RALYL: variants seen among roughly 807,000 people sequenced by gnomAD.
The protein encoded by RALYL is RNA-binding Raly-like protein.
In RALYL, 29 loss-of-function variants were observed where a neutral mutation model predicts 35.1. The observed-to-expected ratio is 0.83, with a 90% CI of 0.61 to 1.13. The LOEUF (loss-of-function observed/expected upper bound fraction) is 1.13. Among genes scored for constraint, RALYL ranks in the 50% most tolerant of loss-of-function variants. The pLI is 0.00. For missense variants in RALYL, 359 were observed against 360.4 expected, an observed-to-expected ratio of 1.00 and a Z score of 0.03; for synonymous variants, 120 against 127.6, an observed-to-expected ratio of 0.94 and a Z score of 0.40.
At chr8:84,665,620 GTTGT>G (rs1429321627) in intron 2 of RALYL, 1 of 151,948 alleles carries the variant, frequency 6.6e-6, no homozygotes, top group Admixed American at 6.6e-5. Flanking sequence ...TTCTCTAATG[GTTGT>G]TTGTATTTCT....
chr8:84,229,056 C>T (rs1486976588), intron 1 of RALYL, among the ~76,000 whole-genome samples: 1 of 152,204 alleles, frequency 6.6e-6, no homozygotes, highest in African/African-American at 2.4e-5. Context: ...CATACTCAGG[C>T]TCCAGCTTTT....
chr8:84,498,454 G>A (rs1041050785), intron 1 of RALYL, among the ~76,000 whole-genome samples: 6 of 151,798 alleles, frequency 4.0e-5, no homozygotes, highest in Admixed American at 1.3e-4. Flanking sequence ...AAGCCTCATC[G>A]AAGCTACTAA....
intron 1 of RALYL, among the ~76,000 whole-genome samples, chr8:84,305,296 C>G (rs1841565526): frequency 6.6e-6 from 1 of 152,166 alleles, no homozygotes; most frequent in Admixed American, 6.5e-5. Context: ...ATCTATACCT[C>G]TAGCTTTCAC....
At chr8:84,835,162 G>A (rs775155765) in intron 4 of RALYL, among the ~76,000 whole-genome samples, 2 of 152,160 alleles carry the variant, frequency 1.3e-5, no homozygotes, top group Non-Finnish European at 1.5e-5. Context: ...ATAATTAATG[G>A]AAGGGAAAGA....
chr8:84,608,037 A>G (rs1397854403), intron 2 of RALYL, among the ~76,000 whole-genome samples: 1 of 151,618 alleles, frequency 6.6e-6, no homozygotes, highest in Admixed American at 6.6e-5. Context: ...TCAATTTTGT[A>G]TATATCTTGT....
At chr8:84,517,845 C>A (rs1418838861) in intron 1 of RALYL, among the ~76,000 whole-genome samples, 3 of 152,084 alleles carry the variant, frequency 2.0e-5, no homozygotes, top group Non-Finnish European at 2.9e-5. Context: ...TACCTTAGTG[C>A]ATCTCATTTA....
intron 1 of RALYL, among the ~76,000 whole-genome samples, chr8:84,430,279 A>G (rs2132662744): frequency 6.6e-6 from 1 of 152,250 alleles, no homozygotes; most frequent in African/African-American, 2.4e-5. Context: ...TTGGACTCCA[A>G]AGCATATATT....
At chr8:84,636,415 G>A (rs775138644) in intron 2 of RALYL, among the ~76,000 whole-genome samples, 1 of 151,802 alleles carries the variant, frequency 6.6e-6, no homozygotes, top group African/African-American at 2.4e-5. Flanking sequence ...GAGATGGAAT[G>A]TACGCAGGAC....
chr8:84,784,781 C>G (rs1394633673), intron 3 of RALYL, among the ~76,000 whole-genome samples: 1 of 152,086 alleles, frequency 6.6e-6, no homozygotes, highest in African/African-American at 2.4e-5. Flanking sequence ...CATGTTTAGA[C>G]AGAAGGCAAA....
intron 3 of RALYL, among the ~76,000 whole-genome samples, chr8:84,793,195 G>A (rs1326501338): frequency 1.3e-5 from 2 of 152,130 alleles, no homozygotes; most frequent in Non-Finnish European, 2.9e-5. Flanking sequence ...ACAAGACTGG[G>A]TGAGAACAGA....
intron 2 of RALYL, among the ~76,000 whole-genome samples, chr8:84,702,539 T>A (rs377109065): frequency 0.02 from 2,768 of 136,376 alleles, 47 homozygotes; most frequent in African/African-American, 0.052. Context: ...TCTCTCTCTC[T>A]CACACACACA....
intron 2 of RALYL, among the ~76,000 whole-genome samples, chr8:84,688,425 C>T (rs868793914): frequency 6.6e-6 from 1 of 151,932 alleles, no homozygotes; most frequent in South Asian, 2.1e-4. Flanking sequence ...GAAATACAAC[C>T]ACACATATGT....
At chr8:84,239,827 G>C (rs1827461699) in intron 1 of RALYL, among the ~76,000 whole-genome samples, 1 of 152,124 alleles carries the variant, frequency 6.6e-6, no homozygotes, top group Non-Finnish European at 1.5e-5. Context: ...GGAGGCAGAG[G>C]CTACTGTGAA....
At chr8:84,652,503 T>C (rs2131546125) in intron 2 of RALYL, among the ~76,000 whole-genome samples, 1 of 152,222 alleles carries the variant, frequency 6.6e-6, no homozygotes, top group East Asian at 1.9e-4. Context: ...TCAATAACTT[T>C]TACAACAAGT....
At chr8:84,296,448 C>T (rs904072498) in intron 1 of RALYL, among the ~76,000 whole-genome samples, 5 of 151,956 alleles carry the variant, frequency 3.3e-5, no homozygotes, top group African/African-American at 1.2e-4. Flanking sequence ...TCTGTGACAT[C>T]TTACCCTGTT....
intron 1 of RALYL, among the ~76,000 whole-genome samples, chr8:84,387,371 G>A (rs1025317708): frequency 6.6e-6 from 1 of 151,802 alleles, no homozygotes; most frequent in Non-Finnish European, 1.5e-5. Context: ...AACTTAGGCA[G>A]AGACCATAGC....
At chr8:84,582,679 A>C (rs994436915) in intron 2 of RALYL, among the ~76,000 whole-genome samples, 1 of 152,058 alleles carries the variant, frequency 6.6e-6, no homozygotes, top group Non-Finnish European at 1.5e-5. Flanking sequence ...GCTGTTAGAA[A>C]GCATCACTGA....
chr8:84,233,639 A>T (rs540579025), intron 1 of RALYL, among the ~76,000 whole-genome samples: 1 of 152,258 alleles, frequency 6.6e-6, no homozygotes, highest in Non-Finnish European at 1.5e-5. Context: ...GTTTTGGGTG[A>T]ACTTTCCTTT....
At chr8:84,791,909 C>A (rs1206088615) in intron 3 of RALYL, among the ~76,000 whole-genome samples, 2 of 152,114 alleles carry the variant, frequency 1.3e-5, no homozygotes, top group Non-Finnish European at 2.9e-5. Context: ...TCCCTGTTTC[C>A]CCCCCGGCAG....
Sources: gnomAD v4.1 joint callset for allele counts (sites outside exome capture counted in the v4.1 genomes callset) on GRCh38, gnomAD v4.1.1 for gene constraint, MANE v1.5 for transcripts, NCBI Gene and HGNC (gene_info 2026-07-23, HGNC 2026-07-21) for gene names.